FAF1: variants seen among roughly 807,000 people sequenced by gnomAD.
FAF1 encodes Fas associated factor 1, also known as FAS-associated factor 1.
A neutral mutation model predicts 92.5 loss-of-function variants in FAF1; 25 were observed. The ratio of observed to expected loss-of-function variants is 0.27; its 90% CI spans 0.20 to 0.38. The LOEUF (loss-of-function observed/expected upper bound fraction) is 0.38, where lower values mean the gene tolerates loss of function less well. Among genes scored for constraint, FAF1 ranks in the 10% least tolerant of loss-of-function variants. FAF1 has a pLI of 1.00. For synonymous variants in FAF1, 234 were observed against 273.2 expected (o/e 0.86, Z 1.42); for missense variants, 636 against 793.3 (o/e 0.80, Z 2.38).
chr1:50,751,328 A>ATTTG (rs1185606139), intron 4 of FAF1, among the ~76,000 whole-genome samples: 1 of 151,790 alleles, frequency 6.6e-6, no homozygotes, highest in Non-Finnish European at 1.5e-5. Context: ...CAGCATTTCT[A>ATTTG]TTTGTTTGAT....
chr1:50,518,959 G>A (rs980552532), intron 15 of FAF1, among the ~76,000 whole-genome samples: 5 of 152,118 alleles, frequency 3.3e-5, no homozygotes, highest in Admixed American at 2.0e-4. Context: ...GCTGTGATGT[G>A]TATTTTAGCA....
At position 50,594,729 on chromosome 1, in the gene FAF1, A is replaced by G. The variant is rs930142879; in HGVS notation, c.840+1392T>C. Among the ~76,000 whole-genome samples, 101 of 150,758 alleles carry G rather than the reference A, an allele frequency of 6.7e-4. 1 individual carries two copies. Among genetic ancestry groups the G allele is most frequent in the Non-Finnish European group, 1.0e-4 (7 of 67,584 alleles). On this transcript the variant is annotated intron_variant, in intron 9 of 18. Transcript: ENST00000396153. ...CTATTAAAAATACAAAAATTAGCTGAGCGTGGTGGCGGGCACCTGTAGTCC... is the reference window on the plus strand; with the variant it reads ...CTATTAAAAATACAAAAATTAGCTGGGCGTGGTGGCGGGCACCTGTAGTCC...
rs1358335168 is a variant in FAF1, at chr1:50,652,662, A to T, written c.744+2780T>A. Among the ~76,000 whole-genome samples the T allele has an allele frequency of 3.9e-5, 6 of 152,346 alleles. No homozygotes were observed. In the South Asian group the frequency reaches 8.3e-4, roughly 21 times the overall value. On this transcript the variant is annotated intron_variant, in intron 8 of 18. Coordinates refer to ENST00000396153, the MANE Select transcript of FAF1 (RefSeq NM_007051.3). ...GAGAACAGTATAATAAACCCAATAT[A>T]TGTATCACCTAGATTCAACAATGAT...
At chr1:50,566,208 CTGAA>C (rs1650168413) in intron 13 of FAF1, among the ~76,000 whole-genome samples, 1 of 151,980 alleles carries the variant, frequency 6.6e-6, no homozygotes, top group South Asian at 2.1e-4. Flanking sequence ...AAAACAAAGT[CTGAA>C]TGATGACCAA....
chr1:50,821,468 G>A (rs1644042784), intron 2 of FAF1, among the ~76,000 whole-genome samples: 1 of 152,002 alleles, frequency 6.6e-6, no homozygotes, highest in Non-Finnish European at 1.5e-5. Flanking sequence ...ATTTCCCATG[G>A]GCCCTTTATT....
chr1:50,664,950 G>C (rs1409151123), intron 7 of FAF1, among the ~76,000 whole-genome samples: 1 of 152,252 alleles, frequency 6.6e-6, no homozygotes, highest in African/African-American at 2.4e-5. Context: ...TATGGAAACA[G>C]TGAGGGAACA....
intron 6 of FAF1, among the ~76,000 whole-genome samples, chr1:50,738,443 CAAAAAAA>C (rs533056212): frequency 1.3e-5 from 1 of 79,078 alleles, no homozygotes; most frequent in Middle Eastern, 7.0e-3. Context: ...AACTCCGTCG[CAAAAAAA>C]AAAAAAAAAA....
chr1:50,944,985 CTAA>C (rs58762442), intron 1 of FAF1, among the ~76,000 whole-genome samples: 17,858 of 152,098 alleles, frequency 0.12, 1,267 homozygotes, highest in African/African-American at 0.2. Context: ...AACTGGCTTT[CTAA>C]TAAGTAAGGT....
intron 1 of FAF1, among the ~76,000 whole-genome samples, chr1:50,909,078 A>C (rs750084423): frequency 2.0e-5 from 3 of 152,226 alleles, no homozygotes; most frequent in Non-Finnish European, 4.4e-5. Flanking sequence ...TGGTGGTAAC[A>C]AAATCTCTCA....
At chr1:50,936,719 T>C (rs1645088031) in intron 1 of FAF1, among the ~76,000 whole-genome samples, 1 of 151,944 alleles carries the variant, frequency 6.6e-6, no homozygotes, top group Non-Finnish European at 1.5e-5. Flanking sequence ...GAAAGGATGA[T>C]TATTTGGAAA....
intron 1 of FAF1, among the ~76,000 whole-genome samples, chr1:50,897,203 G>A (rs553455883): frequency 6.6e-6 from 1 of 152,198 alleles, no homozygotes; most frequent in South Asian, 2.1e-4. Flanking sequence ...TCATAGACAG[G>A]AACACACAAT....
chr1:50,812,601 G>C (rs1236773265), intron 2 of FAF1, among the ~76,000 whole-genome samples: 1 of 152,138 alleles, frequency 6.6e-6, no homozygotes, highest in Non-Finnish European at 1.5e-5. Flanking sequence ...GCAGAGAAAA[G>C]GGAGTGCTTA....
intron 18 of FAF1, among the ~76,000 whole-genome samples, chr1:50,441,818 G>T (rs1417204410): frequency 6.6e-6 from 1 of 151,968 alleles, no homozygotes; most frequent in East Asian, 2.0e-4. Context: ...AAAGGTGCTG[G>T]TTAACAACTG....
intron 8 of FAF1, among the ~76,000 whole-genome samples, chr1:50,638,318 T>C (rs796210897): frequency 4.6e-5 from 7 of 152,332 alleles, no homozygotes; most frequent in African/African-American, 1.7e-4. Flanking sequence ...AACCTTACTG[T>C]ACTAAGACTA....
intron 2 of FAF1, among the ~76,000 whole-genome samples, chr1:50,813,011 A>G (rs1643931296): frequency 6.6e-6 from 1 of 152,184 alleles, no homozygotes; most frequent in African/African-American, 2.4e-5. Context: ...AGTAGGAGGT[A>G]AATACTCAGT....
chr1:50,851,472 G>A (rs528188421), intron 2 of FAF1, among the ~76,000 whole-genome samples: 115 of 152,256 alleles, frequency 7.6e-4, no homozygotes, highest in Admixed American at 2.5e-3. Flanking sequence ...CCCGCTGTGA[G>A]CTGAATCCCT....
chr1:50,443,769 G>C (rs969310006), intron 18 of FAF1, among the ~76,000 whole-genome samples: 2 of 152,194 alleles, frequency 1.3e-5, no homozygotes, highest in African/African-American at 4.8e-5. Context: ...GTACTCAGTA[G>C]GTTGTAGCCA....
At chr1:50,688,288 T>A (rs1656763111) in intron 7 of FAF1, among the ~76,000 whole-genome samples, 1 of 152,020 alleles carries the variant, frequency 6.6e-6, no homozygotes. Context: ...AACCTGTTCC[T>A]CAAAAACTTA....
intron 16 of FAF1, among the ~76,000 whole-genome samples, chr1:50,491,053 T>G (rs1312476948): frequency 6.6e-6 from 1 of 152,216 alleles, no homozygotes; most frequent in Non-Finnish European, 1.5e-5. Flanking sequence ...CCCTTGATGC[T>G]AGCTTATACT....
Sources: allele counts gnomAD v4.1 joint callset (sites outside exome capture counted in the v4.1 genomes callset), GRCh38; gene constraint gnomAD v4.1.1; transcripts MANE v1.5; gene names NCBI Gene and HGNC (gene_info 2026-07-23, HGNC 2026-07-21).